The following NHS variants were observed in gnomAD, a reference collection of about 807,000 sequenced individuals.
NHS encodes actin remodeling regulator NHS.
In NHS, 5 loss-of-function variants were observed where a neutral mutation model predicts 72.5. The ratio of observed to expected loss-of-function variants is 0.07; its 90% CI spans 0.04 to 0.14. The LOEUF (loss-of-function observed/expected upper bound fraction) is 0.14. NHS is among the 10% of genes least tolerant of loss of function. The pLI is 1.00. For synonymous variants in NHS, 464 were observed against 547.7 expected (o/e 0.85, Z 2.13); for missense variants, 1,072 against 1,355.7 (o/e 0.79, Z 3.29).
intron 1 of NHS, among the ~76,000 whole-genome samples, chrX:17,434,545 G>A (rs1478403498): frequency 9.6e-6 from 1 of 104,068 alleles, no homozygotes. Flanking sequence ...CCGGGTTCAC[G>A]CCATTCTTCT....
intron 1 of NHS, among the ~76,000 whole-genome samples, chrX:17,470,066 C>T (rs181714049): frequency 1.7e-3 from 190 of 111,079 alleles, no homozygotes; most frequent in South Asian, 3.8e-3. Context: ...GATTGATGTA[C>T]GTGGGGGGTG....
chrX:17,510,125 A>C (rs977584767), intron 1 of NHS, among the ~76,000 whole-genome samples: 1 of 112,584 alleles, frequency 8.9e-6, no homozygotes, highest in African/African-American at 3.2e-5. Flanking sequence ...CGTTGACTAC[A>C]ACTAGAAACT....
intron 6 of NHS, among the ~76,000 whole-genome samples, chrX:17,724,651 C>T (rs1011889715): frequency 3.6e-5 from 4 of 111,997 alleles, no homozygotes; most frequent in African/African-American, 9.7e-5. Flanking sequence ...TCAGGTCTTA[C>T]GGCTGAAATG....
Position 17,585,738 on chromosome X carries a change from G to GTAATAATAA in NHS, c.566-101982_566-101974dup, listed in dbSNP as rs548692975. ...GGGGGATTTATGACCAAAAATAATA[G>GTAATAATAA]TAATAATAATAATAATAATAATAAT... On this transcript the variant is annotated intron_variant, in intron 1 of 8. Coordinates refer to ENST00000676302, the MANE Select transcript of NHS (RefSeq NM_001291867.2). Among the ~76,000 whole-genome samples, 945 of 101,227 alleles carry GTAATAATAA rather than the reference G, an allele frequency of 9.3e-3. 34 individuals are homozygous for GTAATAATAA. The highest frequency in any genetic ancestry group is 0.062 in the Admixed American group (583 of 9,444). 87.9% of individuals were successfully genotyped at this position (101,227 alleles called of 115,157 possible). A position where few individuals can be genotyped will look rare whatever the true frequency, so the allele number is the denominator to read the frequency against.
Position 17,375,754 on chromosome X carries a change from C to T in NHS, c.-4C>T, listed in dbSNP as rs1326711918. 2 of 1,153,551 alleles carry T rather than the reference C, an allele frequency of 1.7e-6. No homozygotes were observed. Among genetic ancestry groups the T allele is most frequent in the Non-Finnish European group, 2.3e-6 (2 of 872,325 alleles). ...ACCAGAAAGTCGCCGCCTGGCTGCG[C>T]GGGATGCCTTTCGCCAAGCGGATCG... On this transcript the variant is annotated 5_prime_UTR_variant, in exon 1 of 9. Coordinates refer to ENST00000676302, the MANE Select transcript of NHS (RefSeq NM_001291867.2).
chrX:17,407,708 A>G (rs762245323), intron 1 of NHS, among the ~76,000 whole-genome samples: 5 of 111,745 alleles, frequency 4.5e-5, no homozygotes, highest in African/African-American at 6.5e-5. Flanking sequence ...ACATGTGACC[A>G]TATAACCTTT....
In NHS at chrX:17,376,271, G is replaced by C. The variant is rs763129210; in HGVS notation, c.514G>C (p.Gly172Arg). 1 of 1,165,848 alleles carries C rather than the reference G, an allele frequency of 8.6e-7. No individual in the cohort carries two copies. Among genetic ancestry groups the C allele is most frequent in the East Asian group, 3.1e-5 (1 of 31,752 alleles). ...CGTCTGGGCGCTGCAGGGCAAGCTC[G>C]GCGGCGTGCAGCGCGTCCTCAGCAC... Reference protein sequence around the residue: ...RRVWALQGKLGGVQRVLSTLD... With the variant: ...RRVWALQGKLRGVQRVLSTLD... Residue 172 changes from glycine to arginine, a missense_variant, in exon 1 of 9, where the codon GGC (glycine) becomes CGC (arginine). Transcript: ENST00000676302.
intron 1 of NHS, among the ~76,000 whole-genome samples, chrX:17,658,738 T>C (rs1407940691): frequency 8.9e-6 from 1 of 112,036 alleles, no homozygotes; most frequent in Non-Finnish European, 1.9e-5. Flanking sequence ...AGAGTAGATA[T>C]GGGAAGACCA....
intron 1 of NHS, among the ~76,000 whole-genome samples, chrX:17,386,663 CAAAAAAAAAAAAAA>C (rs1184465152): frequency 5.2e-5 from 2 of 38,440 alleles, no homozygotes; most frequent in African/African-American, 1.8e-4. Flanking sequence ...AACTCTGTCT[CAAAAAAAAAAAAAA>C]AAAAAAAGAA....
chrX:17,428,828 C>G (rs936982941), intron 1 of NHS, among the ~76,000 whole-genome samples: 1 of 111,214 alleles, frequency 9.0e-6, no homozygotes, highest in African/African-American at 3.3e-5. Context: ...GCACATGTCT[C>G]TCTCTCTCTC....
chrX:17,672,615 T>A (rs1424926244), intron 1 of NHS, among the ~76,000 whole-genome samples: 1 of 112,723 alleles, frequency 8.9e-6, no homozygotes, highest in Non-Finnish European at 1.9e-5. Context: ...CTCCTTGGTG[T>A]CTCTGATGCC....
intron 1 of NHS, among the ~76,000 whole-genome samples, chrX:17,594,528 G>A (rs944265714): frequency 4.5e-5 from 5 of 112,164 alleles, no homozygotes; most frequent in Non-Finnish European, 9.4e-5. Context: ...CTCTGTCTCC[G>A]TTCTGCCTGG....
intron 1 of NHS, among the ~76,000 whole-genome samples, chrX:17,560,684 A>C (rs1435557835): frequency 2.7e-5 from 3 of 112,588 alleles, no homozygotes; most frequent in Non-Finnish European, 5.6e-5. Context: ...CTTTTGCTAG[A>C]AAACAGACTC....
chrX:17,446,750 C>A (rs1174466495), intron 1 of NHS, among the ~76,000 whole-genome samples: 2 of 110,808 alleles, frequency 1.8e-5, no homozygotes, highest in Non-Finnish European at 3.8e-5. Flanking sequence ...TGGTGTATAT[C>A]CTTCGGGTTT....
chrX:17,523,089 C>T (rs1259569181), intron 1 of NHS, among the ~76,000 whole-genome samples: 1 of 112,245 alleles, frequency 8.9e-6, no homozygotes, highest in Non-Finnish European at 1.9e-5. Flanking sequence ...AGGAGTTGTC[C>T]ATGGTCAGCA....
At chrX:17,476,051 G>C (rs1024738058) in intron 1 of NHS, among the ~76,000 whole-genome samples, 2 of 112,026 alleles carry the variant, frequency 1.8e-5, no homozygotes, top group Non-Finnish European at 1.9e-5. Flanking sequence ...GGGTGGGTGA[G>C]ACTGGAGACC....
intron 1 of NHS, among the ~76,000 whole-genome samples, chrX:17,475,866 G>A (rs1484985462): frequency 9.0e-6 from 1 of 111,704 alleles, no homozygotes; most frequent in Non-Finnish European, 1.9e-5. Flanking sequence ...CAGCCACCTT[G>A]CTCTTTGCCT....
At position 17,491,408 on chromosome X, in the gene NHS, G is replaced by T. The variant is rs972690298; in HGVS notation, c.565+115086G>T. 5.4e-5 allele frequency among the ~76,000 whole-genome samples: 6 copies of T among 111,976 alleles called. No homozygotes were observed. The Admixed American group carries it at 5.7e-4, about 11-fold the overall frequency. ...GGTTTTTGTCATTGGTTCTGTTTTT[G>T]TGATGGATTACGTTTATTGATTTGC... On this transcript the variant is annotated intron_variant, in intron 1 of 8. Coordinates refer to ENST00000676302, the MANE Select transcript of NHS (RefSeq NM_001291867.2).
chrX:17,677,374 C>T (rs2066088816), intron 1 of NHS, among the ~76,000 whole-genome samples: 2 of 111,719 alleles, frequency 1.8e-5, no homozygotes, highest in Non-Finnish European at 3.8e-5. Context: ...CTAGCTTTGC[C>T]AAGCGACTGC....
Sources: allele counts gnomAD v4.1 joint callset (sites outside exome capture counted in the v4.1 genomes callset), GRCh38; gene constraint gnomAD v4.1.1; transcripts MANE v1.5; gene names NCBI Gene and HGNC (gene_info 2026-07-23, HGNC 2026-07-21).